STARD9: variants seen among roughly 807,000 people sequenced by gnomAD.
STARD9 encodes the protein stAR-related lipid transfer protein 9.
A neutral mutation model predicts 399.8 loss-of-function variants in STARD9; 346 were observed. That is an observed-to-expected ratio of 0.87 (90% CI 0.79 to 0.95). The LOEUF (loss-of-function observed/expected upper bound fraction) is 0.95. Ranked by LOEUF, STARD9 falls within the 40% of genes least tolerant of loss-of-function variation. The pLI, the probability that STARD9 is intolerant of heterozygous loss-of-function variation, is 0.00. For missense variants in STARD9, 5,832 were observed against 5,667.5 expected, an observed-to-expected ratio of 1.03 and a Z score of -0.93; for synonymous variants, 2,203 against 2,143.5, an observed-to-expected ratio of 1.03 and a Z score of -0.77.
intron 3 of STARD9, among the ~76,000 whole-genome samples, chr15:42,602,362 A>G (rs897225786): frequency 2.0e-5 from 3 of 152,174 alleles, no homozygotes; most frequent in African/African-American, 7.2e-5. Flanking sequence ...TTCAAGGTAG[A>G]GGGGTCGTGA....
chr15:42,607,937 G>A (rs1003086786), intron 3 of STARD9, among the ~76,000 whole-genome samples: 2 of 152,142 alleles, frequency 1.3e-5, no homozygotes, highest in Non-Finnish European at 2.9e-5. Flanking sequence ...GTCCAGGTTT[G>A]TGTCAGTATA....
chr15:42,667,995 A>G (rs1221779397), intron 15 of STARD9, among the ~76,000 whole-genome samples: 3 of 152,236 alleles, frequency 2.0e-5, no homozygotes, highest in African/African-American at 7.2e-5. Flanking sequence ...CCTCTATACT[A>G]AGAGATGAAG....
intron 14 of STARD9, 40 bp from the exon 15 acceptor site, chr15:42,665,746 G>T: frequency 6.6e-7 from 1 of 1,525,600 alleles, no homozygotes; most frequent in South Asian, 1.2e-5. Flanking sequence ...CTGAAGTTCA[G>T]ACCAGGAAAA....
At chr15:42,704,008 A>G (rs1029631355) in intron 26 of STARD9, among the ~76,000 whole-genome samples, 7 of 152,042 alleles carry the variant, frequency 4.6e-5, no homozygotes, top group Non-Finnish European at 1.0e-4. Context: ...CCCGGGTTCA[A>G]GCGATTCTCC....
intron 20 of STARD9, among the ~76,000 whole-genome samples, chr15:42,680,995 G>A (rs746572967): frequency 4.6e-5 from 7 of 152,310 alleles, no homozygotes; most frequent in Non-Finnish European, 7.3e-5. Flanking sequence ...TGAATATGTA[G>A]GAGAGAGTTT....
chr15:42,645,072 C>T (rs2059621105), intron 7 of STARD9, among the ~76,000 whole-genome samples: 1 of 152,184 alleles, frequency 6.6e-6, no homozygotes, highest in Admixed American at 6.5e-5. Flanking sequence ...GTCTTGAACC[C>T]CTTAAAGTCA....
Position 42,699,392 on chromosome 15 carries a change from C to CTTTTTTTTTTTTT in STARD9, c.13284+3520_13284+3532dup, listed in dbSNP as rs34614271. Among the ~76,000 whole-genome samples, 57 of 113,288 alleles carry CTTTTTTTTTTTTT rather than the reference C, an allele frequency of 5.0e-4. 1 individual carries two copies. The highest frequency in any genetic ancestry group is 1.0e-3 in the East Asian group (4 of 3,924). The allele number at this position is 113,288 out of a possible 152,430, so 74.3% of individuals were successfully genotyped here. A position where few individuals can be genotyped will look rare whatever the true frequency, so the allele number is the denominator to read the frequency against. ...TCTATGAGATCAACTTTTTTCTTTT[C>CTTTTTTTTTTTTT]TTTTTTTTTTTTTTTTTTTTGAGAT... On this transcript the variant is annotated intron_variant, in intron 26 of 32. Transcript: ENST00000290607.
chr15:42,577,133 T>G (rs925544564), intron 1 of STARD9, among the ~76,000 whole-genome samples: 1 of 152,132 alleles, frequency 6.6e-6, no homozygotes, highest in Non-Finnish European at 1.5e-5. Context: ...CTCAGTTCCT[T>G]GGACACTAGG....
chr15:42,684,165 C>A lies in STARD9; in HGVS notation c.2587C>A (p.Pro863Thr). The A allele has an allele frequency of 6.5e-7, 1 of 1,537,116 alleles. No individual in the cohort carries two copies. ...PSTTLPPRPD[P>T]THQTSEKTSS... The stretch of plus-strand genomic sequence containing the variant: ...TACCACATTGCCACCTAGGCCTGAC[C>A]CTACACACCAAACATCAGAGAAAAC... Residue 863 changes from proline to threonine, a missense_variant, in exon 23 of 33, where the codon CCT (proline) becomes ACT (threonine). By Grantham distance (38) the Pro-to-Thr change is conservative (BLOSUM62 -1). Around this residue, in one of 2 missense-constraint regions of STARD9, gnomAD observed 5,828 missense variants for 5,651.1 expected, o/e 1.03. Transcript: ENST00000290607.
intron 15 of STARD9, 78 bp downstream of exon 15, chr15:42,665,926 G>A (rs2060092415): frequency 1.6e-6 from 2 of 1,234,296 alleles, no homozygotes; most frequent in Non-Finnish European, 2.3e-6. Context: ...AGGTAGGGTT[G>A]CTCCCTTGGC....
At chr15:42,712,345 A>G (rs771175506) in intron 26 of STARD9, among the ~76,000 whole-genome samples, 2 of 150,230 alleles carry the variant, frequency 1.3e-5, no homozygotes, top group South Asian at 4.2e-4. Flanking sequence ...TTTATTTTTT[A>G]TTGTTGTTCC....
intron 3 of STARD9, among the ~76,000 whole-genome samples, chr15:42,619,953 C>G (rs189912822): frequency 6.6e-6 from 1 of 152,342 alleles, no homozygotes; most frequent in African/African-American, 2.4e-5. Flanking sequence ...TTCAGATCAG[C>G]AGGAGGGGTT....
At chr15:42,673,859 ACT>A in intron 16 of STARD9, 2 of 451,674 alleles carry the variant, frequency 4.4e-6, no homozygotes. Context: ...CCTCTCTTAC[ACT>A]CTCTTCCAGT....
intron 3 of STARD9, among the ~76,000 whole-genome samples, chr15:42,615,259 T>C (rs1419748613): frequency 6.6e-6 from 1 of 152,034 alleles, no homozygotes; most frequent in African/African-American, 2.4e-5. Flanking sequence ...ATCCGATGCC[T>C]CCGCCTCCCA....
intron 2 of STARD9, among the ~76,000 whole-genome samples, chr15:42,584,785 T>C (rs923945299): frequency 2.0e-5 from 3 of 152,228 alleles, no homozygotes; most frequent in Non-Finnish European, 4.4e-5. Context: ...AAGCCCCAGG[T>C]TGATGAAGCC....
chr15:42,650,676 C>A (rs2059742566), intron 7 of STARD9, among the ~76,000 whole-genome samples: 1 of 152,160 alleles, frequency 6.6e-6, no homozygotes, highest in Non-Finnish European at 1.5e-5. Flanking sequence ...ACTGGCCTAC[C>A]TCAGGGACTT....
rs1310591983 is a variant in STARD9, at chr15:42,695,135, C to T, written c.12963-5C>T. ...ATGTTCTTTCCACCCCGTGATCTTC[C>T]TCAGGAGCCCAGAGTCAGTGTCAAG... is the stretch of plus-strand genomic sequence containing the variant. On this transcript the variant is annotated splice_region_variant and splice_polypyrimidine_tract_variant and intron_variant, in intron 24 of 32. Transcript: ENST00000290607. 2 of 1,523,450 alleles carry T rather than the reference C, an allele frequency of 1.3e-6. No homozygotes were observed. Among genetic ancestry groups the T allele is most frequent in the African/African-American group, 2.7e-5 (2 of 72,846 alleles). 94.4% of individuals were successfully genotyped at this position (1,523,450 alleles called of 1,614,324 possible). A position where few individuals can be genotyped will look rare whatever the true frequency, so the allele number is the denominator to read the frequency against.
intron 3 of STARD9, among the ~76,000 whole-genome samples, chr15:42,610,239 G>A (rs905383685): frequency 7.2e-5 from 11 of 152,194 alleles, no homozygotes; most frequent in Admixed American, 2.0e-4. Context: ...TCTGCTGCTA[G>A]GATTTCACTT....
chr15:42,717,036 T>A lies in STARD9; in HGVS notation c.13482T>A (p.Thr4494=), dbSNP rs1472858988. 1.3e-6 allele frequency: 2 copies of A among 1,537,214 alleles called. No individual in the cohort carries two copies. The highest frequency in any genetic ancestry group is 1.4e-5 in the African/African-American group (1 of 73,164). The change falls in exon 28 of 33, where the codon ACT becomes ACA. Residue 4494 remains threonine (T), a synonymous_variant. Coordinates refer to ENST00000290607, the MANE Select transcript of STARD9 (RefSeq NM_020759.3). ...ATTTGGCCAAGCATGTCGTGGACAC[T>A]TCTATGGCTGATGTGAGTAACTGCT... The part of the protein sequence containing the change: ...YQDLAKHVVD[T]SMADVMAACS...
Sources: allele counts gnomAD v4.1 joint callset (sites outside exome capture counted in the v4.1 genomes callset), GRCh38; gene constraint gnomAD v4.1.1; regional missense constraint gnomAD v4.1.1; transcripts MANE v1.5; gene names NCBI Gene and HGNC (gene_info 2026-07-23, HGNC 2026-07-21).